CFAP47: variants seen among roughly 807,000 people sequenced by gnomAD.
CFAP47 encodes cilia and flagella associated protein 47.
A neutral mutation model predicts 148.1 loss-of-function variants in CFAP47; 29 were observed. The ratio of observed to expected loss-of-function variants is 0.20; its 90% CI spans 0.15 to 0.27. CFAP47 has a LOEUF of 0.27. Ranked by LOEUF, CFAP47 falls within the 10% of genes least tolerant of loss-of-function variation. The pLI is 1.00. For missense variants in CFAP47, 1,872 were observed against 1,697.5 expected, an observed-to-expected ratio of 1.10 and a Z score of -1.81; for synonymous variants, 664 against 577.3, an observed-to-expected ratio of 1.15 and a Z score of -2.15.
intron 39 of CFAP47, among the ~76,000 whole-genome samples, chrX:36,174,721 G>T (rs1316753455): frequency 2.7e-5 from 3 of 110,472 alleles, no homozygotes; most frequent in Non-Finnish European, 5.7e-5. Context: ...TTTCTCTCTG[G>T]CTGCCCTTAA....
chrX:36,300,665 C>T (rs1461779939), intron 52 of CFAP47, among the ~76,000 whole-genome samples: 1 of 112,045 alleles, frequency 8.9e-6, no homozygotes, highest in Non-Finnish European at 1.9e-5. Flanking sequence ...AAAGGAAGTT[C>T]TCTAGAGCTA....
intron 57 of CFAP47, among the ~76,000 whole-genome samples, chrX:36,339,919 T>C (rs1310797923): frequency 8.9e-6 from 1 of 112,161 alleles, no homozygotes; most frequent in Non-Finnish European, 1.9e-5. Flanking sequence ...GAACATTTTC[T>C]AAGAAGCATG....
intron 44 of CFAP47, among the ~76,000 whole-genome samples, chrX:36,204,006 G>C: frequency 8.9e-6 from 1 of 111,973 alleles, no homozygotes; most frequent in Non-Finnish European, 1.9e-5. Flanking sequence ...TGTATCTGAT[G>C]ATGAGCATTT....
chrX:36,113,908 C>T (rs1202192730), intron 33 of CFAP47, among the ~76,000 whole-genome samples: 1 of 107,971 alleles, frequency 9.3e-6, no homozygotes, highest in African/African-American at 3.4e-5. Flanking sequence ...CTCCTGGGGT[C>T]ACACCATTCT....
intron 62 of CFAP47, among the ~76,000 whole-genome samples, chrX:36,372,651 T>C (rs1275575057): frequency 8.9e-6 from 1 of 111,736 alleles, no homozygotes; most frequent in Non-Finnish European, 1.9e-5. Context: ...ATGGTAAATA[T>C]TTGTATACCT....
At position 36,353,539 on chromosome X, in the gene CFAP47, A is replaced by T. The variant is rs1602122317; in HGVS notation, c.8709A>T (p.Gln2903His). 1 of 1,163,646 alleles carries T rather than the reference A, an allele frequency of 8.6e-7. No homozygotes were observed. Among genetic ancestry groups the T allele is most frequent in the East Asian group, 3.3e-5 (1 of 30,625 alleles). The change falls in exon 60 of 64, where the codon CAA (glutamine) becomes CAT (histidine). Residue 2903 changes from glutamine (Q) to histidine (H), a missense_variant. Physicochemically the swap from Gln to His is conservative, Grantham distance 24. Coordinates refer to ENST00000378653, the MANE Select transcript of CFAP47 (RefSeq NM_001304548.2). ...ATTTCTCTCCTGCAGTTGTCATACA[A>T]TGTCAGTCCAGGAAGCGGGCAGAAG... ...PPPKSPPVVI[Q>H]CQSRKRAEEK...
At chrX:36,164,750 G>C (rs894651792) in intron 39 of CFAP47, among the ~76,000 whole-genome samples, 13 of 111,331 alleles carry the variant, frequency 1.2e-4, no homozygotes, top group Non-Finnish European at 2.5e-4. Flanking sequence ...ACCTCCCAAA[G>C]TTCTCTTGTG....
chrX:36,108,808 CTTTTA>C (rs1187894973), intron 33 of CFAP47, among the ~76,000 whole-genome samples: 55 of 92,455 alleles, frequency 5.9e-4, no homozygotes, highest in African/African-American at 1.9e-3. Context: ...TTTTTTTTCA[CTTTTA>C]TTTTAAGTTC....
At chrX:35,940,211 G>A (rs533622080) in intron 2 of CFAP47, among the ~76,000 whole-genome samples, 2 of 111,269 alleles carry the variant, frequency 1.8e-5, no homozygotes, top group South Asian at 7.6e-4. Context: ...TGTCAGCTGA[G>A]TAGGTTGCAA....
rs1256558462 is a variant in CFAP47 at position 36,303,915 on chromosome X, C to A, written c.8037C>A (p.Asn2679Lys). Residue 2679 changes from asparagine to lysine, a missense_variant, in exon 54 of 64, where the codon AAC becomes AAA. Asn to Lys is a moderately conservative substitution (Grantham distance 94). Coordinates refer to ENST00000378653, the MANE Select transcript of CFAP47 (RefSeq NM_001304548.2). Reference protein sequence around the residue: ...THETLKLQVTNSNPENFVLDI... With the variant: ...THETLKLQVTKSNPENFVLDI... ...AAACCTTAAAATTGCAAGTAACAAACAGTAATCCTGAAAATTTTGTCCTGG... is the reference window on the plus strand; with the variant it reads ...AAACCTTAAAATTGCAAGTAACAAAAAGTAATCCTGAAAATTTTGTCCTGG... 2.6e-6 allele frequency: 3 copies of A among 1,138,351 alleles called. No individual in the cohort carries two copies. The African/African-American group carries it at 5.5e-5, about 21-fold the overall frequency. 93.8% of individuals were successfully genotyped at this position (1,138,351 alleles called of 1,213,427 possible).
intron 58 of CFAP47, among the ~76,000 whole-genome samples, 186 bp downstream of exon 58, chrX:36,348,474 G>C (rs1941716626): frequency 3.6e-5 from 4 of 110,261 alleles, no homozygotes. Flanking sequence ...ATAATGTATA[G>C]AAAATAATAT....
chrX:36,238,720 C>T (rs1178949182), intron 48 of CFAP47, among the ~76,000 whole-genome samples: 6 of 111,530 alleles, frequency 5.4e-5, no homozygotes, highest in African/African-American at 2.0e-4. Context: ...TTATCTGGTC[C>T]GTTTATTCCT....
chrX:36,371,298 C>T (rs1251513628), intron 62 of CFAP47, among the ~76,000 whole-genome samples: 1 of 110,411 alleles, frequency 9.1e-6, no homozygotes, highest in African/African-American at 3.3e-5. Flanking sequence ...TCCACCATCT[C>T]TTGGCCACTA....
intron 26 of CFAP47, 66 bp downstream of exon 26, chrX:36,047,129 C>A: frequency 2.7e-6 from 2 of 735,539 alleles, no homozygotes; most frequent in Non-Finnish European, 4.0e-6. Context: ...ATATTTTACA[C>A]CATGGTAAAA....
chrX:36,071,291 A>T (rs540816942), intron 27 of CFAP47, among the ~76,000 whole-genome samples: 66 of 112,161 alleles, frequency 5.9e-4, no homozygotes, highest in South Asian at 3.7e-4. Context: ...TTGGATTCAG[A>T]TTTACACTGT....
intron 45 of CFAP47, among the ~76,000 whole-genome samples, chrX:36,209,770 A>C (rs1233294490): frequency 4.5e-5 from 5 of 111,452 alleles, no homozygotes; most frequent in Non-Finnish European, 9.4e-5. Flanking sequence ...ACAATTCACA[A>C]ATTTAAAGTG....
chrX:36,006,983 A>G (rs750660110), intron 21 of CFAP47, among the ~76,000 whole-genome samples: 2 of 112,161 alleles, frequency 1.8e-5, no homozygotes, highest in East Asian at 5.6e-4. Flanking sequence ...TCTTCATGAC[A>G]GAGTTTCACT....
chrX:36,046,098 C>T (rs935410120), intron 25 of CFAP47, among the ~76,000 whole-genome samples: 6 of 110,515 alleles, frequency 5.4e-5, no homozygotes, highest in Non-Finnish European at 1.1e-4. Flanking sequence ...TTCTTATTAG[C>T]TAAATAGTTC....
At chrX:36,083,752 A>G (rs1938028918) in intron 29 of CFAP47, among the ~76,000 whole-genome samples, 1 of 111,561 alleles carries the variant, frequency 9.0e-6, no homozygotes, top group Admixed American at 9.6e-5. Context: ...ATAATTGAAA[A>G]ATAAACAAAA....
Sources: gnomAD v4.1 joint callset for allele counts (sites outside exome capture counted in the v4.1 genomes callset) on GRCh38, gnomAD v4.1.1 for gene constraint, MANE v1.5 for transcripts, NCBI Gene and HGNC (gene_info 2026-07-23, HGNC 2026-07-21) for gene names.